Variants in NBPF8 observed in about 807,000 individuals in gnomAD.
NBPF8 encodes NBPF member 8.
chr1:120,450,324 G>T (rs1661230139), intron 11 of NBPF8, among the ~76,000 whole-genome samples: 1 of 151,980 alleles, frequency 6.6e-6, no homozygotes, highest in Admixed American at 6.6e-5. Context: ...GAGTCTTGTT[G>T]CTAAAGAGGA....
Position 120,454,249 on chromosome 1 carries a change from T to G in NBPF8, n.2568+135T>G, listed in dbSNP as rs1661370718. ...TTTCTAAACAGATATCAGGGAGTTT[T>G]TTTGTCCTTCACAGCTAATGTCATG... On this transcript the variant is annotated intron_variant and non_coding_transcript_variant, in intron 15 of 24. Coordinates refer to ENST00000583271, the Ensembl canonical transcript of NBPF8. 8 of 1,555,822 alleles carry G rather than the reference T, an allele frequency of 5.1e-6. No individual in the cohort carries two copies. The Admixed American group carries it at 1.4e-4, about 28-fold the overall frequency.
At chr1:120,431,456 C>T (rs1660877407), upstream of NBPF8, among the ~76,000 whole-genome samples, 1 of 146,552 alleles carries the variant, frequency 6.8e-6, no homozygotes, top group Non-Finnish European at 1.5e-5. Flanking sequence ...ATAAACAGCA[C>T]ATTGAAACAA....
chr1:120,452,649 A>G (rs1485352681), intron 13 of NBPF8, among the ~76,000 whole-genome samples: 1 of 152,274 alleles, frequency 6.6e-6, no homozygotes, highest in Non-Finnish European at 1.5e-5. Context: ...CTCTGGACTA[A>G]GAATGAAGGT....
chr1:120,433,480 G>C (rs1660945784), upstream of NBPF8: 3 of 153,070 alleles, frequency 2.0e-5, no homozygotes, highest in Admixed American at 6.5e-5. Context: ...CACACAGGAG[G>C]GGTATGGGTG....
At chr1:120,425,649 CTCTT>C in intron 1 of NBPF8, among the ~76,000 whole-genome samples, 1 of 152,186 alleles carries the variant, frequency 6.6e-6, no homozygotes, top group East Asian at 1.9e-4. Flanking sequence ...GTCTCTGTGT[CTCTT>C]TCTTTTCCAA....
At chr1:120,433,427 T>A (rs1660943185), upstream of NBPF8, 1 of 152,672 alleles carries the variant, frequency 6.5e-6, no homozygotes, top group Non-Finnish European at 1.5e-5. Context: ...AGAAACTTTT[T>A]TATTCATAAA....
chr1:120,432,730 GGGCTGAGGGTTGAAA>G (rs1466344614), upstream of NBPF8: 1 of 148,350 alleles, frequency 6.7e-6, no homozygotes, highest in Non-Finnish European at 1.5e-5. Flanking sequence ...TGGCTCCTTG[GGGCTGAGGGTTGAAA>G]GGCTGATGAA....
downstream of NBPF8, among the ~76,000 whole-genome samples, chr1:120,468,244 C>A (rs1329813508): frequency 8.9e-4 from 135 of 150,982 alleles, 1 homozygote; most frequent in East Asian, 0.023. Context: ...TATCATCTTG[C>A]CCCTACCTTG....
rs1246068160 is a variant in NBPF8, at chr1:120,436,713, T to A, written n.345+16T>A. The A allele has an allele frequency of 2.5e-6, 3 of 1,200,094 alleles. No individual in the cohort carries two copies. The highest frequency in any genetic ancestry group is 3.0e-5 in the African/African-American group (2 of 65,728). 74.3% of individuals were successfully genotyped at this position (1,200,094 alleles called of 1,614,324 possible). A position where few individuals can be genotyped will look rare whatever the true frequency, so the allele number is the denominator to read the frequency against. Reference sequence around the variant, plus strand: ...AAGAAATACAGTAAGATCTATAGGCTCACCGTCATGAAAGTGATGAATGAT... The same window carrying A: ...AAGAAATACAGTAAGATCTATAGGCACACCGTCATGAAAGTGATGAATGAT... On this transcript the variant is annotated intron_variant and non_coding_transcript_variant, in intron 1 of 24. Coordinates refer to ENST00000583271, the Ensembl canonical transcript of NBPF8.
At chr1:120,450,743 C>A (rs1158378379) in intron 11 of NBPF8, among the ~76,000 whole-genome samples, 4 of 152,132 alleles carry the variant, frequency 2.6e-5, no homozygotes, top group African/African-American at 7.2e-5. Context: ...CTTTCGCATA[C>A]TTGTCCTTGA....
Position 120,456,502 on chromosome 1 carries a change from C to A in NBPF8, n.2620+1042C>A, listed in dbSNP as rs1439750649. Among the ~76,000 whole-genome samples, 8 of 105,398 alleles carry A rather than the reference C, an allele frequency of 7.6e-5. 2 individuals carry two copies. The highest frequency in any genetic ancestry group is 1.5e-4 in the Non-Finnish European group (8 of 53,426). 69.1% of individuals were successfully genotyped at this position (105,398 alleles called of 152,430 possible). ...GTTAACTCTTCTTGTTGAATTGATC[C>A]CTTTACCATTATGTAGTGGCCTTCT... On this transcript the variant is annotated intron_variant and non_coding_transcript_variant, in intron 16 of 24. Coordinates refer to ENST00000583271, the Ensembl canonical transcript of NBPF8.
intron 15 of NBPF8, among the ~76,000 whole-genome samples, chr1:120,454,363 G>C (rs1368269803): frequency 6.6e-6 from 1 of 151,996 alleles, no homozygotes; most frequent in Admixed American, 6.6e-5. Flanking sequence ...AGGTGCACAG[G>C]CAGTATCTGT....
At chr1:120,455,983 G>T (rs1661425759) in intron 16 of NBPF8, among the ~76,000 whole-genome samples, 1 of 151,794 alleles carries the variant, frequency 6.6e-6, no homozygotes. Flanking sequence ...TTTTCTCATT[G>T]GTTTCAAAGA....
intron 1 of NBPF8, among the ~76,000 whole-genome samples, chr1:120,425,435 G>C (rs1299938448): frequency 6.6e-6 from 1 of 151,944 alleles, no homozygotes; most frequent in African/African-American, 2.4e-5. Flanking sequence ...TCTTTACCTT[G>C]TTTATGATGC....
chr1:120,446,186 G>A (rs1486109404), intron 8 of NBPF8: 2 of 1,087,590 alleles, frequency 1.8e-6, no homozygotes, highest in African/African-American at 1.6e-5. Flanking sequence ...GGACTTCCTG[G>A]GTAAGAACAG....
intron 12 of NBPF8, among the ~76,000 whole-genome samples, 173 bp from the exon 11 acceptor site, chr1:120,451,944 C>A (rs1262134339): frequency 1.3e-5 from 2 of 151,934 alleles, no homozygotes; most frequent in Non-Finnish European, 2.9e-5. Context: ...ACAGAGGAAG[C>A]CTGTAAACCA....
intron 22 of NBPF8, among the ~76,000 whole-genome samples, chr1:120,464,131 C>G (rs1553250577): frequency 0.025 from 1,180 of 47,506 alleles, 16 homozygotes; most frequent in East Asian, 0.074. Flanking sequence ...CTCTCTCTCT[C>G]TCTGTGTGTG....
At chr1:120,415,198 C>T (rs1553244894), upstream of NBPF8, among the ~76,000 whole-genome samples, 7 of 152,282 alleles carry the variant, frequency 4.6e-5, no homozygotes, top group East Asian at 1.9e-4. Context: ...GCGCCAGGAG[C>T]GGGCCGAGGC....
intron 11 of NBPF8, among the ~76,000 whole-genome samples, chr1:120,450,776 A>C (rs1661244823): frequency 6.6e-6 from 1 of 152,178 alleles, no homozygotes; most frequent in East Asian, 1.9e-4. Flanking sequence ...AAGGGAAACC[A>C]TCAGTCCCAT....
Sources: allele counts gnomAD v4.1 joint callset (sites outside exome capture counted in the v4.1 genomes callset), GRCh38; gene constraint gnomAD v4.1.1; transcripts MANE v1.5; gene names NCBI Gene and HGNC (gene_info 2026-07-23, HGNC 2026-07-21).